Variants in GAB2 observed in about 807,000 individuals in gnomAD.
GAB2 encodes GRB2-associated-binding protein 2.
In GAB2, 26 loss-of-function variants were observed where a neutral mutation model predicts 65.5. The observed-to-expected ratio is 0.40, with a 90% CI of 0.29 to 0.55. The LOEUF (loss-of-function observed/expected upper bound fraction) is 0.55. Among genes scored for constraint, GAB2 ranks in the 20% least tolerant of loss-of-function variants. GAB2 has a pLI of 0.53. For missense variants in GAB2, 884 were observed against 875.8 expected, an observed-to-expected ratio of 1.01 and a Z score of -0.12; for synonymous variants, 321 against 329.6, an observed-to-expected ratio of 0.97 and a Z score of 0.28.
intron 3 of GAB2, among the ~76,000 whole-genome samples, chr11:78,239,209 T>G (rs1327250915): frequency 1.3e-5 from 2 of 152,132 alleles, no homozygotes; most frequent in East Asian, 3.8e-4. Context: ...ATTTTAAATT[T>G]TAATTTAATT....
At chr11:78,395,709 C>T (rs1856887309) in intron 1 of GAB2, among the ~76,000 whole-genome samples, 1 of 152,092 alleles carries the variant, frequency 6.6e-6, no homozygotes, top group Non-Finnish European at 1.5e-5. Context: ...ATGTTTGCAC[C>T]CCTCTAAGCG....
chr11:78,259,874 A>G lies in GAB2; in HGVS notation c.377-9474T>C, dbSNP rs562270545. On this transcript the variant is annotated intron_variant, in intron 2 of 9. Coordinates refer to ENST00000361507, the MANE Select transcript of GAB2 (RefSeq NM_080491.3). Reference sequence around the variant, plus strand: ...CTCCAAGAGCCCTTACCCTGCACTAAAAGATGTATCGCTATGAATGAAGAT... The same window carrying G: ...CTCCAAGAGCCCTTACCCTGCACTAGAAGATGTATCGCTATGAATGAAGAT... 2.2e-4 allele frequency among the ~76,000 whole-genome samples: 33 copies of G among 152,304 alleles called. 1 individual carries two copies. The South Asian group carries it at 6.6e-3, about 31-fold the overall frequency.
At chr11:78,386,621 C>T (rs1444970079) in intron 1 of GAB2, among the ~76,000 whole-genome samples, 1 of 152,120 alleles carries the variant, frequency 6.6e-6, no homozygotes, top group East Asian at 1.9e-4. Flanking sequence ...TGCCTGAATA[C>T]TCTGCAAGAA....
intron 3 of GAB2, among the ~76,000 whole-genome samples, chr11:78,232,281 A>G (rs866436949): frequency 9.2e-5 from 14 of 152,184 alleles, no homozygotes; most frequent in African/African-American, 3.1e-4. Flanking sequence ...GAATCTCACC[A>G]ATGAAATTTC....
rs1856703498 is a variant in GAB2, at chr11:78,381,987, T to C, written c.75+35659A>G. On this transcript the variant is annotated intron_variant, in intron 1 of 9. Transcript: ENST00000361507. Reference sequence around the variant, plus strand: ...CATGCTAATCCCACCACTTCTCATATATCAGCTCCATTCTCATCATTCCAG... The same window carrying C: ...CATGCTAATCCCACCACTTCTCATACATCAGCTCCATTCTCATCATTCCAG... 2.6e-5 allele frequency among the ~76,000 whole-genome samples: 4 copies of C among 152,242 alleles called. No individual in the cohort carries two copies. In the South Asian group the frequency reaches 8.3e-4, roughly 31 times the overall value.
intron 1 of GAB2, among the ~76,000 whole-genome samples, chr11:78,318,505 A>T (rs1855660891): frequency 6.6e-6 from 1 of 151,948 alleles, no homozygotes; most frequent in South Asian, 2.1e-4. Flanking sequence ...AACAGCATAG[A>T]TGAGGATAGA....
chr11:78,266,539 T>G (rs1050990791), intron 2 of GAB2, among the ~76,000 whole-genome samples: 12 of 152,228 alleles, frequency 7.9e-5, no homozygotes, highest in Admixed American at 7.2e-4. Flanking sequence ...GATGGGGGCT[T>G]GATGTTGAAA....
chr11:78,339,955 G>A (rs1176037352), intron 1 of GAB2, among the ~76,000 whole-genome samples: 1 of 152,124 alleles, frequency 6.6e-6, no homozygotes, highest in African/African-American at 2.4e-5. Flanking sequence ...CCAGCTTTAT[G>A]GCAAATGAGT....
intron 2 of GAB2, among the ~76,000 whole-genome samples, chr11:78,253,422 G>C (rs1192906695): frequency 6.6e-6 from 1 of 152,044 alleles, no homozygotes; most frequent in East Asian, 1.9e-4. Flanking sequence ...CTCCGGAATA[G>C]CCAGGAATAC....
chr11:78,412,004 T>C (rs1857135801), intron 1 of GAB2, among the ~76,000 whole-genome samples: 1 of 151,486 alleles, frequency 6.6e-6, no homozygotes, highest in Non-Finnish European at 1.5e-5. Flanking sequence ...CACTCCAGCC[T>C]GGGTGACAGA....
At chr11:78,410,161 T>A (rs1857108177) in intron 1 of GAB2, among the ~76,000 whole-genome samples, 1 of 152,108 alleles carries the variant, frequency 6.6e-6, no homozygotes, top group Non-Finnish European at 1.5e-5. Context: ...TAGCAGTAAA[T>A]GAATACATTA....
intron 1 of GAB2, among the ~76,000 whole-genome samples, chr11:78,394,681 T>G (rs1004675506): frequency 4.6e-5 from 7 of 152,220 alleles, no homozygotes; most frequent in African/African-American, 1.7e-4. Context: ...CCCCACTGTT[T>G]GGCACAGATA....
chr11:78,297,965 A>T (rs1018499881), intron 1 of GAB2, among the ~76,000 whole-genome samples: 4 of 152,214 alleles, frequency 2.6e-5, no homozygotes, highest in African/African-American at 4.8e-5. Flanking sequence ...GGCATATAAG[A>T]GAAAAGATAC....
At chr11:78,238,135 T>A (rs964414453) in intron 3 of GAB2, among the ~76,000 whole-genome samples, 6 of 151,428 alleles carry the variant, frequency 4.0e-5, no homozygotes, top group Non-Finnish European at 8.8e-5. Flanking sequence ...TGGCACATGT[T>A]TACCTATGTA....
At chr11:78,221,604 G>C (rs1283886249) in intron 8 of GAB2, 73 bp downstream of exon 8, 3 of 830,654 alleles carry the variant, frequency 3.6e-6, no homozygotes, top group African/African-American at 1.7e-5. Flanking sequence ...AGCTAAGCTG[G>C]GAAGTGGGGA....
chr11:78,402,950 A>T lies in GAB2; in HGVS notation c.75+14696T>A, dbSNP rs1476248993. Among the ~76,000 whole-genome samples, 3 of 152,142 alleles carry T rather than the reference A, an allele frequency of 2.0e-5. No individual in the cohort carries two copies. The East Asian group carries it at 5.8e-4, about 29-fold the overall frequency. On this transcript the variant is annotated intron_variant, in intron 1 of 9. Coordinates refer to ENST00000361507, the MANE Select transcript of GAB2 (RefSeq NM_080491.3). ...AGGTCATGAGGGCAGAGTACTCATAAATTAGAGACATTATAATTAGAGACA... is the reference window on the plus strand; with the variant it reads ...AGGTCATGAGGGCAGAGTACTCATATATTAGAGACATTATAATTAGAGACA...
chr11:78,352,655 A>G lies in GAB2; in HGVS notation c.75+64991T>C, dbSNP rs1420658466. Among the ~76,000 whole-genome samples, 4 of 152,152 alleles carry G rather than the reference A, an allele frequency of 2.6e-5. No homozygotes were observed. In the East Asian group the frequency reaches 7.7e-4, roughly 29 times the overall value. ...TGCCCCAGGGGCTGAATCAAAAGCA[A>G]TTATACAAATCCCATTCCTCATTGA... On this transcript the variant is annotated intron_variant, in intron 1 of 9. Coordinates refer to ENST00000361507, the MANE Select transcript of GAB2 (RefSeq NM_080491.3).
At chr11:78,326,834 A>G (rs1204682982) in intron 1 of GAB2, among the ~76,000 whole-genome samples, 1 of 152,228 alleles carries the variant, frequency 6.6e-6, no homozygotes, top group Non-Finnish European at 1.5e-5. Flanking sequence ...CTGACCCGGT[A>G]AAATTTCCCC....
At chr11:78,226,265 C>T (rs983021973) in intron 4 of GAB2, among the ~76,000 whole-genome samples, 200 bp downstream of exon 4, 2 of 152,216 alleles carry the variant, frequency 1.3e-5, no homozygotes, top group Non-Finnish European at 1.5e-5. Flanking sequence ...CTCTGTTAGA[C>T]AACTACTACT....
Sources: gnomAD v4.1 joint callset for allele counts (sites outside exome capture counted in the v4.1 genomes callset) on GRCh38, gnomAD v4.1.1 for gene constraint, MANE v1.5 for transcripts, NCBI Gene and HGNC (gene_info 2026-07-23, HGNC 2026-07-21) for gene names.